RPS29: variants seen among roughly 807,000 people sequenced by gnomAD.
The protein encoded by RPS29 is small ribosomal subunit protein uS14.
For missense variants in RPS29, 60 were observed against 75.7 expected (o/e 0.79, Z 0.77); for synonymous variants, 37 against 26.9 (o/e 1.37, Z -1.16).
At chr14:49,588,045 T>C (rs1006951243), upstream of RPS29, among the ~76,000 whole-genome samples, 4 of 152,248 alleles carry the variant, frequency 2.6e-5, no homozygotes, top group African/African-American at 9.6e-5. Flanking sequence ...ATAATTTATA[T>C]CAGTCACTAA....
At chr14:49,576,296 T>C (rs181555036) in exon 3 of RPS29, 2 of 151,962 alleles carry the variant, frequency 1.3e-5, no homozygotes, top group African/African-American at 2.4e-5. Context: ...AGATAGGGGA[T>C]CTCCTGATGT....
rs2139513341 is a variant in RPS29 at position 49,585,651 on chromosome 14, T to G, written c.162+299A>C. On this transcript the variant is annotated intron_variant, in intron 2 of 2. Transcript: ENST00000245458. ...TGAAACAAATGTAAAACAATTTTAG[T>G]GGCTTCTCTAAAGTGAATTTCACCA... The G allele has an allele frequency of 1.6e-5, 7 of 438,738 alleles. No individual in the cohort carries two copies. In the East Asian group the frequency reaches 2.3e-4, roughly 15 times the overall value. 27.2% of individuals were successfully genotyped at this position (438,738 alleles called of 1,614,324 possible).
At chr14:49,589,404 T>G (rs1455598468), upstream of RPS29, among the ~76,000 whole-genome samples, 1 of 152,230 alleles carries the variant, frequency 6.6e-6, no homozygotes, top group Non-Finnish European at 1.5e-5. Context: ...GATCGAAGCA[T>G]TCTAACACTG....
chr14:49,581,181 ACT>A (rs916994654), downstream of RPS29, among the ~76,000 whole-genome samples: 1 of 151,626 alleles, frequency 6.6e-6, no homozygotes, highest in Admixed American at 6.6e-5. Context: ...CATGAGCAAA[ACT>A]CTATCTCAAA....
At chr14:49,573,653 C>T (rs1013009383) in exon 3 of RPS29, 1 of 152,124 alleles carries the variant, frequency 6.6e-6, no homozygotes, top group African/African-American at 2.4e-5. Flanking sequence ...TAGGTCAACA[C>T]CCCTTGGATT....
At chr14:49,582,812 G>A (rs1457030908), downstream of RPS29, among the ~76,000 whole-genome samples, 4 of 152,028 alleles carry the variant, frequency 2.6e-5, no homozygotes, top group African/African-American at 4.8e-5. Flanking sequence ...TCCATCTCAC[G>A]TCAGCCACCT....
upstream of RPS29, among the ~76,000 whole-genome samples, chr14:49,587,062 T>A (rs538802476): frequency 3.3e-5 from 5 of 152,332 alleles, no homozygotes; most frequent in South Asian, 1.0e-3. Flanking sequence ...TCAGCTGTAA[T>A]GATCACGAGT....
exon 3 of RPS29, chr14:49,574,615 T>G (rs996644027): frequency 2.0e-4 from 30 of 152,234 alleles, no homozygotes; most frequent in African/African-American, 7.2e-4. Flanking sequence ...TTTCCAGACC[T>G]TAGTAACTCT....
chr14:49,583,568 A>C, downstream of RPS29: 1 of 1,368,774 alleles, frequency 7.3e-7, no homozygotes, highest in Non-Finnish European at 1.0e-6. Flanking sequence ...GAACACTCAT[A>C]AACTGAAGGG....
At chr14:49,580,323 A>G (rs563600363), downstream of RPS29, among the ~76,000 whole-genome samples, 1 of 152,262 alleles carries the variant, frequency 6.6e-6, no homozygotes, top group African/African-American at 2.4e-5. Context: ...AGCTCATCCC[A>G]TTACCAATAA....
chr14:49,571,446 G>C (rs1345575151), exon 3 of RPS29: 2 of 152,148 alleles, frequency 1.3e-5, no homozygotes, highest in East Asian at 1.9e-4. Flanking sequence ...AAGTAACAGG[G>C]ATATCTTTGT....
At chr14:49,595,517 G>A (rs1881802756) in intron 1 of RPS29, among the ~76,000 whole-genome samples, 1 of 152,146 alleles carries the variant, frequency 6.6e-6, no homozygotes, top group African/African-American at 2.4e-5. Context: ...TGGGGTAGGA[G>A]GATGGCTTGA....
intron 1 of RPS29, among the ~76,000 whole-genome samples, chr14:49,591,956 A>C (rs1881722687): frequency 6.6e-6 from 1 of 152,114 alleles, no homozygotes; most frequent in African/African-American, 2.4e-5. Context: ...AGCAAGATTC[A>C]ATTTGATTTT....
intron 1 of RPS29, among the ~76,000 whole-genome samples, chr14:49,596,560 T>C (rs1256428074): frequency 6.6e-6 from 1 of 152,152 alleles, no homozygotes; most frequent in Non-Finnish European, 1.5e-5. Flanking sequence ...GGAAATGAGA[T>C]ACCAAAAACT....
At chr14:49,598,468 G>C in exon 1 of RPS29, 1 of 702,328 alleles carries the variant, frequency 1.4e-6, no homozygotes, top group South Asian at 1.5e-5. Context: ...GCCCCCCTTC[G>C]ACGTGCCAGG....
At chr14:49,589,430 AT>A (rs1881666587), upstream of RPS29, among the ~76,000 whole-genome samples, 1 of 152,226 alleles carries the variant, frequency 6.6e-6, no homozygotes, top group East Asian at 1.9e-4. Context: ...TATAGATCTT[AT>A]TTTTAAGTAC....
At chr14:49,585,869 G>C in intron 2 of RPS29, 81 bp downstream of exon 2, 1 of 1,070,592 alleles carries the variant, frequency 9.3e-7, no homozygotes, top group Non-Finnish European at 1.4e-6. Context: ...GGGAAGATCT[G>C]TCCGTTTGTC....
chr14:49,572,903 A>C (rs535763954), exon 3 of RPS29: 2 of 152,068 alleles, frequency 1.3e-5, no homozygotes, highest in Non-Finnish European at 2.9e-5. Context: ...AGTTTGTCTC[A>C]CCAAAAATAC....
exon 3 of RPS29, chr14:49,577,773 C>T (rs756299091): frequency 9.6e-6 from 15 of 1,555,028 alleles, no homozygotes; most frequent in South Asian, 9.0e-5. Context: ...TTGGGCTTCG[C>T]GAGCGGTCTC....
Sources: allele counts gnomAD v4.1 joint callset (sites outside exome capture counted in the v4.1 genomes callset), GRCh38; gene constraint gnomAD v4.1.1; transcripts MANE v1.5; gene names NCBI Gene and HGNC (gene_info 2026-07-23, HGNC 2026-07-21).